NELL2: variants seen among roughly 807,000 people sequenced by gnomAD.
NELL2 encodes the protein neural EGFL like 2, also known as protein kinase C-binding protein NELL2.
A neutral mutation model predicts 109.6 loss-of-function variants in NELL2; 41 were observed. That is an observed-to-expected ratio of 0.37 (90% confidence interval 0.29 to 0.49). The LOEUF (loss-of-function observed/expected upper bound fraction) is 0.49, where lower values mean the gene tolerates loss of function less well. Among genes scored for constraint, NELL2 ranks in the 20% least tolerant of loss-of-function variants. The probability of loss-of-function intolerance (pLI) is 0.98; values close to 1 mark genes in which losing one functional copy is unlikely to be tolerated. For missense variants in NELL2, 900 were observed against 1,008.3 expected (o/e 0.89, Z 1.45); for synonymous variants, 355 against 344.7 (o/e 1.03, Z -0.33).
chr12:44,783,073 C>T (rs1397363703), intron 3 of NELL2, among the ~76,000 whole-genome samples: 1 of 151,860 alleles, frequency 6.6e-6, no homozygotes, highest in African/African-American at 2.4e-5. Context: ...CAGAATCACA[C>T]TGAAAATCAA....
chr12:44,917,686 A>G (rs919393522), upstream of NELL2, among the ~76,000 whole-genome samples: 1 of 152,182 alleles, frequency 6.6e-6, no homozygotes, highest in Non-Finnish European at 1.5e-5. Context: ...TTTCAAGTTA[A>G]TCATAAGGAA....
At chr12:44,907,946 G>A (rs1384312018) in intron 1 of NELL2, among the ~76,000 whole-genome samples, 2 of 152,012 alleles carry the variant, frequency 1.3e-5, no homozygotes, top group African/African-American at 4.8e-5. Flanking sequence ...GCACACAAAG[G>A]CAGAAGGTCA....
intron 1 of NELL2, among the ~76,000 whole-genome samples, chr12:44,886,273 G>A (rs546782387): frequency 6.6e-6 from 1 of 151,890 alleles, no homozygotes; most frequent in East Asian, 1.9e-4. Context: ...ACTTGGGTTA[G>A]GCAAAGATTT....
intron 2 of NELL2, among the ~76,000 whole-genome samples, chr12:44,863,761 T>A (rs1944909264): frequency 6.6e-6 from 1 of 152,184 alleles, no homozygotes; most frequent in Admixed American, 6.5e-5. Flanking sequence ...AAATTCAGAA[T>A]ACTCAAATAC....
chr12:44,671,932 C>T (rs1948153141), intron 12 of NELL2, among the ~76,000 whole-genome samples: 1 of 152,166 alleles, frequency 6.6e-6, no homozygotes, highest in African/African-American at 2.4e-5. Flanking sequence ...GAACAATTTA[C>T]CCATGGGGAT....
At chr12:44,864,188 A>G (rs1944922179) in intron 2 of NELL2, among the ~76,000 whole-genome samples, 2 of 152,168 alleles carry the variant, frequency 1.3e-5, no homozygotes, top group African/African-American at 4.8e-5. Context: ...AACAATTAAC[A>G]TAATACCTGT....
At chr12:44,601,152 A>G (rs893004759) in intron 15 of NELL2, among the ~76,000 whole-genome samples, 1 of 151,886 alleles carries the variant, frequency 6.6e-6, no homozygotes, top group African/African-American at 2.4e-5. Flanking sequence ...CTTGAAAGCT[A>G]TTTTTTTCCT....
At chr12:44,768,332 T>C (rs1408278170) in intron 9 of NELL2, among the ~76,000 whole-genome samples, 3 of 152,006 alleles carry the variant, frequency 2.0e-5, no homozygotes, top group Non-Finnish European at 4.4e-5. Context: ...TTAATTAAGA[T>C]AAAATTAATG....
intron 15 of NELL2, among the ~76,000 whole-genome samples, chr12:44,592,223 T>C (rs1036692766): frequency 2.0e-5 from 3 of 152,226 alleles, no homozygotes; most frequent in Non-Finnish European, 4.4e-5. Context: ...AAGTTGCTAT[T>C]ATGATTTAAA....
chr12:44,581,537 T>C (rs1217369274), intron 15 of NELL2, among the ~76,000 whole-genome samples: 1 of 152,218 alleles, frequency 6.6e-6, no homozygotes, highest in Admixed American at 6.5e-5. Flanking sequence ...AGGAATGAGT[T>C]TTAGCTATAA....
intron 13 of NELL2, among the ~76,000 whole-genome samples, chr12:44,633,932 G>A (rs1280564929): frequency 6.6e-6 from 1 of 152,022 alleles, no homozygotes; most frequent in East Asian, 1.9e-4. Context: ...TTTACCCTAA[G>A]AGAGAATATA....
chr12:44,848,804 A>T (rs1944449673), intron 2 of NELL2, among the ~76,000 whole-genome samples: 1 of 152,192 alleles, frequency 6.6e-6, no homozygotes, highest in East Asian at 1.9e-4. Context: ...CACTTATTAA[A>T]AATGTGTTAC....
rs149870549 is a variant in NELL2, at chr12:44,919,821, T to G, written c.-32+1969A>C. 1.7e-3 allele frequency among the ~76,000 whole-genome samples: 259 copies of G among 152,332 alleles called. 1 individual carries two copies. The highest frequency in any genetic ancestry group is 5.7e-3 in the African/African-American group (239 of 41,580). ...TTTCTGTTGTTTAAGGCATTCAGTT[T>G]GTGCTGCTTTGCCATGGCTGCCCTA... On this transcript the variant is annotated intron_variant, in intron 1 of 9. Coordinates refer to the NELL2 transcript ENST00000552993.
At chr12:44,543,679 A>C (rs1011482029) in intron 15 of NELL2, among the ~76,000 whole-genome samples, 1 of 152,192 alleles carries the variant, frequency 6.6e-6, no homozygotes, top group African/African-American at 2.4e-5. Flanking sequence ...AATTTGCCAA[A>C]GAGAACTAAG....
chr12:44,844,551 G>A (rs923762058), intron 2 of NELL2, among the ~76,000 whole-genome samples: 1 of 152,154 alleles, frequency 6.6e-6, no homozygotes, highest in Non-Finnish European at 1.5e-5. Flanking sequence ...AGGAGTGGCA[G>A]GGTCACCTGG....
chr12:44,891,931 A>C (rs1016198518), intron 1 of NELL2, among the ~76,000 whole-genome samples: 2 of 152,244 alleles, frequency 1.3e-5, no homozygotes, highest in Non-Finnish European at 1.5e-5. Context: ...CTGTATGAGT[A>C]AAGTAGCCTA....
At chr12:44,514,966 GACA>G (rs1338528619) in intron 19 of NELL2, among the ~76,000 whole-genome samples, 2 of 150,700 alleles carry the variant, frequency 1.3e-5, no homozygotes, top group Non-Finnish European at 3.0e-5. Flanking sequence ...TAATCCGTAG[GACA>G]ACAAATACAA....
chr12:44,544,604 T>C (rs1352889547), intron 15 of NELL2, among the ~76,000 whole-genome samples: 4 of 152,148 alleles, frequency 2.6e-5, no homozygotes, highest in Non-Finnish European at 5.9e-5. Context: ...TTCCAAATTC[T>C]TCTCTGTTGT....
rs117586783 is a variant in NELL2, at chr12:44,669,798, G to A, written c.1319-4189C>T. On this transcript the variant is annotated intron_variant, in intron 12 of 19. Coordinates refer to ENST00000429094, the MANE Select transcript of NELL2 (RefSeq NM_001145108.2). The stretch of plus-strand genomic sequence containing the variant: ...TATAGTAACTAAAATTTGAATTTTG[G>A]GAGTTCCAGAAGGAGAAGAGATGAA... Among the ~76,000 whole-genome samples the A allele has an allele frequency of 1.7e-3, 258 of 152,206 alleles. 3 individuals carry two copies. In the East Asian group the frequency reaches 0.041, roughly 24 times the overall value.
Sources: allele counts gnomAD v4.1 joint callset (sites outside exome capture counted in the v4.1 genomes callset), GRCh38; gene constraint gnomAD v4.1.1; transcripts MANE v1.5; gene names NCBI Gene and HGNC (gene_info 2026-07-23, HGNC 2026-07-21).